Variants in ATG7 observed in about 807,000 individuals in gnomAD.
The protein encoded by ATG7 is ubiquitin-like modifier-activating enzyme ATG7.
ATG7 carries 70 observed loss-of-function variants against 82.4 expected under a neutral mutation model. The ratio of observed to expected loss-of-function variants is 0.85; its 90% CI spans 0.70 to 1.04. The LOEUF is 1.04. ATG7 is among the 50% of genes least tolerant of loss of function. The probability of loss-of-function intolerance (pLI) is 0.00; values close to 1 mark genes in which losing one functional copy is unlikely to be tolerated. For missense variants in ATG7, 792 were observed against 864.3 expected, an observed-to-expected ratio of 0.92 and a Z score of 1.05; for synonymous variants, 287 against 313.0, an observed-to-expected ratio of 0.92 and a Z score of 0.88.
At chr3:11,359,721 A>C (rs993112977) in intron 15 of ATG7, among the ~76,000 whole-genome samples, 1 of 147,250 alleles carries the variant, frequency 6.8e-6, no homozygotes, top group African/African-American at 2.5e-5. Context: ...AAACAAAAAA[A>C]CAAAAAAAAA....
At chr3:11,334,175 T>G (rs1166816016) in intron 11 of ATG7, among the ~76,000 whole-genome samples, 1 of 152,216 alleles carries the variant, frequency 6.6e-6, no homozygotes, top group Non-Finnish European at 1.5e-5. Context: ...CCCAGCACTT[T>G]TATACTTCTT....
intron 20 of ATG7, among the ~76,000 whole-genome samples, chr3:11,537,198 C>T (rs889356757): frequency 6.6e-6 from 1 of 152,190 alleles, no homozygotes; most frequent in African/African-American, 2.4e-5. Context: ...CTGGCTCCTT[C>T]CTTCCTTCCC....
At chr3:11,347,478 A>T (rs1333013912) in intron 13 of ATG7, among the ~76,000 whole-genome samples, 1 of 152,210 alleles carries the variant, frequency 6.6e-6, no homozygotes, top group African/African-American at 2.4e-5. Context: ...AATGAGCTTC[A>T]AGAGTAGTTG....
At chr3:11,417,812 T>A (rs1395861881) in intron 19 of ATG7, among the ~76,000 whole-genome samples, 1 of 86,780 alleles carries the variant, frequency 1.2e-5, no homozygotes, top group East Asian at 3.4e-4. Flanking sequence ...TTTATTTTAT[T>A]TTATTTTTTT....
chr3:11,520,164 C>T (rs1417555522), intron 20 of ATG7, among the ~76,000 whole-genome samples: 1 of 152,100 alleles, frequency 6.6e-6, no homozygotes, highest in Non-Finnish European at 1.5e-5. Flanking sequence ...GTCAGTAAAC[C>T]CACCCAGAGT....
rs2077011409 is a variant in ATG7, at chr3:11,371,771, T to A, written c.1875+7037T>A. On this transcript the variant is annotated intron_variant, in intron 18 of 20. Transcript: ENST00000693202. ...TAAGTCCTTAAGGTAGCACACCAAA[T>A]CCTGCTTTTTGAATTTTGTGCTTCC... is the stretch of plus-strand genomic sequence containing the variant. 2.0e-5 allele frequency among the ~76,000 whole-genome samples: 3 copies of A among 151,092 alleles called. 1 individual carries two copies. The highest frequency in any genetic ancestry group is 4.4e-5 in the Non-Finnish European group (3 of 67,820).
chr3:11,382,025 G>A (rs2077942419), intron 19 of ATG7, among the ~76,000 whole-genome samples: 2 of 152,206 alleles, frequency 1.3e-5, no homozygotes, highest in South Asian at 4.1e-4. Context: ...TCATGTCATA[G>A]TTGTTGTTTC....
At chr3:11,449,181 A>G (rs1350978897) in intron 20 of ATG7, among the ~76,000 whole-genome samples, 1 of 152,228 alleles carries the variant, frequency 6.6e-6, no homozygotes, top group African/African-American at 2.4e-5. Flanking sequence ...TGCCTTCACC[A>G]TCTGCTAACT....
downstream of ATG7, chr3:11,558,439 A>C: frequency 7.1e-7 from 1 of 1,410,438 alleles, no homozygotes; most frequent in Non-Finnish European, 9.3e-7. Context: ...TTTGCAAATA[A>C]ACCATCCCTT....
At chr3:11,547,954 A>G (rs7621677) in intron 20 of ATG7, among the ~76,000 whole-genome samples, 34,656 of 151,958 alleles carry the variant, frequency 0.23, 4,369 homozygotes, top group African/African-American at 0.31. Context: ...GGATCCTCCC[A>G]CCTCAGCCTC....
At chr3:11,559,886 C>A (rs9848960), downstream of ATG7, among the ~76,000 whole-genome samples, 9 of 152,000 alleles carry the variant, frequency 5.9e-5, no homozygotes, top group East Asian at 1.7e-3. Flanking sequence ...CTTCAATACA[C>A]GGCAATTAAC....
chr3:11,509,368 T>C (rs192939012), intron 20 of ATG7, among the ~76,000 whole-genome samples: 10 of 152,122 alleles, frequency 6.6e-5, no homozygotes, highest in Non-Finnish European at 1.0e-4. Context: ...CTGTTTTTTT[T>C]CTGATGCAAC....
chr3:11,406,782 T>G (rs2080385440), intron 19 of ATG7, among the ~76,000 whole-genome samples: 1 of 152,096 alleles, frequency 6.6e-6, no homozygotes, highest in Admixed American at 6.5e-5. Flanking sequence ...TCAGATCTCA[T>G]AAGACCCATT....
At chr3:11,421,470 C>G (rs1439828643) in intron 19 of ATG7, among the ~76,000 whole-genome samples, 1 of 152,170 alleles carries the variant, frequency 6.6e-6, no homozygotes, top group African/African-American at 2.4e-5. Context: ...AGAAGCAACT[C>G]CTCATCTGTT....
At chr3:11,312,434 C>T (rs570027526) in intron 7 of ATG7, among the ~76,000 whole-genome samples, 6 of 152,188 alleles carry the variant, frequency 3.9e-5, no homozygotes, top group Non-Finnish European at 8.8e-5. Context: ...CAAATCCTTT[C>T]CCCTGGATCT....
intron 3 of ATG7, among the ~76,000 whole-genome samples, chr3:11,295,855 C>T (rs1028986678): frequency 2.0e-5 from 3 of 150,610 alleles, no homozygotes; most frequent in African/African-American, 7.4e-5. Context: ...GGCACAATCT[C>T]GGTTCACTGC....
intron 5 of ATG7, among the ~76,000 whole-genome samples, chr3:11,303,817 G>A (rs1404139814): frequency 2.0e-5 from 3 of 150,150 alleles, no homozygotes; most frequent in Non-Finnish European, 4.4e-5. Flanking sequence ...GCTCACGCCT[G>A]TAATCCCAGC....
At chr3:11,407,336 T>C (rs1017975572) in intron 19 of ATG7, among the ~76,000 whole-genome samples, 1 of 152,246 alleles carries the variant, frequency 6.6e-6, no homozygotes, top group African/African-American at 2.4e-5. Context: ...TGGGCAGCTC[T>C]GCCCCTGTGG....
chr3:11,516,956 G>A (rs920936499), intron 20 of ATG7, among the ~76,000 whole-genome samples: 1 of 152,042 alleles, frequency 6.6e-6, no homozygotes, highest in Non-Finnish European at 1.5e-5. Context: ...GGTGGCACGT[G>A]CCTGTAGTCC....
Sources: allele counts gnomAD v4.1 joint callset (sites outside exome capture counted in the v4.1 genomes callset), GRCh38; gene constraint gnomAD v4.1.1; transcripts MANE v1.5; gene names NCBI Gene and HGNC (gene_info 2026-07-23, HGNC 2026-07-21).